The following HNRNPU variants were observed in gnomAD, a reference collection of about 807,000 sequenced individuals.
HNRNPU encodes the protein HNRNPU antisense RNA 1.
In HNRNPU, 5 loss-of-function variants were observed where a neutral mutation model predicts 94.7. The observed-to-expected ratio is 0.05, with a 90% confidence interval of 0.03 to 0.11. The LOEUF (loss-of-function observed/expected upper bound fraction) is 0.11, where lower values mean the gene tolerates loss of function less well. Among genes scored for constraint, HNRNPU ranks in the 10% least tolerant of loss-of-function variants. The pLI is 1.00. For missense variants in HNRNPU, 710 were observed against 1,049.2 expected, an observed-to-expected ratio of 0.68 and a Z score of 4.47; for synonymous variants, 434 against 381.6, an observed-to-expected ratio of 1.14 and a Z score of -1.60.
In HNRNPU at chr1:244,862,605, T is replaced by G; in HGVS notation, c.803+14A>C. On this transcript the variant is annotated intron_variant, in intron 2 of 13. Transcript: ENST00000640218. ...CGAATAAGGGATGAGTAAAACTAGG[T>G]GAGCATCCTATACCTGCTATACTTG... 6.2e-7 allele frequency: 1 copy of G among 1,605,986 alleles called. No homozygotes were observed. Among genetic ancestry groups the G allele is most frequent in the Non-Finnish European group, 8.5e-7 (1 of 1,172,544 alleles).
intron 4 of HNRNPU, 112 bp downstream of exon 4, chr1:244,860,223 C>T: frequency 1.2e-6 from 1 of 806,906 alleles, no homozygotes. Context: ...ATCGCTTGAA[C>T]CCAGGACGCG....
At chr1:244,856,420 G>A (rs750391159) in intron 10 of HNRNPU, 37 bp downstream of exon 10, 2 of 1,568,572 alleles carry the variant, frequency 1.3e-6, no homozygotes, top group South Asian at 1.2e-5. Flanking sequence ...CTTTTAAAAA[G>A]AAGATTTCAC....
chr1:244,863,691 C>G lies in HNRNPU; in HGVS notation c.617G>C (p.Gly206Ala), dbSNP rs776650301. ...CTTCTTACCTCCCGCCTGCTGCTGG[C>G]CCTGCCTCGCCCCGGGCGGCGCCAC... ...VTVAPPGARQ[G>A]QQQAGGKKKA... Residue 206 changes from glycine to alanine, a missense_variant, in exon 1 of 14, where the codon GGC (glycine) becomes GCC (alanine). Transcript: ENST00000640218. The G allele has an allele frequency of 6.4e-7, 1 of 1,564,094 alleles. No individual in the cohort carries two copies. The highest frequency in any genetic ancestry group is 1.1e-5 in the South Asian group (1 of 87,760).
chr1:244,855,386 A>G, intron 12 of HNRNPU, 38 bp downstream of exon 12: 2 of 1,588,012 alleles, frequency 1.3e-6, no homozygotes, highest in Non-Finnish European at 1.7e-6. Context: ...ACTAAGCTAC[A>G]GTTATCAATC....
intron 1 of HNRNPU, chr1:244,863,141 G>T: frequency 6.3e-6 from 1 of 159,516 alleles, no homozygotes; most frequent in Non-Finnish European, 1.3e-5. Context: ...CCCGCCGGAA[G>T]TGACGTCACG....
chr1:244,858,792 G>T lies in HNRNPU; in HGVS notation c.1167C>A (p.Cys389Ter). 1 of 1,592,446 alleles carries T rather than the reference G, an allele frequency of 6.3e-7. No individual in the cohort carries two copies. Among genetic ancestry groups the T allele is most frequent in the Non-Finnish European group, 8.6e-7 (1 of 1,161,192 alleles). The change falls in exon 6 of 14, where the codon TGC becomes TGA. Residue 389 changes from cysteine (C) to a stop codon, truncating the protein, a stop_gained. Coordinates refer to ENST00000640218, the MANE Select transcript of HNRNPU (RefSeq NM_031844.3). LOFTEE classifies it high-confidence loss of function. ...YGYSLKGIKT[C>*]NCETEDYGEK... Reference sequence around the variant, plus strand: ...CTCCATAATCTTCAGTCTCACAGTTGCATGTTTTTATTCCTTTTAGAGAAT... The same window carrying T: ...CTCCATAATCTTCAGTCTCACAGTTTCATGTTTTTATTCCTTTTAGAGAAT...
At position 244,854,163 on chromosome 1, in the gene HNRNPU, A is replaced by T. The variant is rs1261398005; in HGVS notation, c.*287T>A. 3 of 101,986 alleles carry T rather than the reference A, an allele frequency of 2.9e-5. No homozygotes were observed. The highest frequency in any genetic ancestry group is 4.1e-5 in the Non-Finnish European group (2 of 49,170). 6.3% of individuals were successfully genotyped at this position (101,986 alleles called of 1,614,324 possible). ...AGCAACATTTTACTTCTGTTGTGAT[A>T]AAAAAAAAAAAAAGTCACATTTTAC... On this transcript the variant is annotated 3_prime_UTR_variant, in exon 14 of 14. Coordinates refer to ENST00000640218, the MANE Select transcript of HNRNPU (RefSeq NM_031844.3).
intron 1 of HNRNPU, 51 bp from the exon 2 acceptor site, chr1:244,862,781 A>G (rs1391957711): frequency 7.1e-7 from 1 of 1,407,126 alleles, no homozygotes; most frequent in South Asian, 1.2e-5. Flanking sequence ...CAACAAAAAA[A>G]CGCTTTTCCG....
chr1:244,855,323 A>G, intron 12 of HNRNPU, 101 bp downstream of exon 12: 2 of 1,151,154 alleles, frequency 1.7e-6, no homozygotes, highest in Non-Finnish European at 2.5e-6. Context: ...AATGCCTATC[A>G]TGTTCCTTAC....
chr1:244,860,233 G>A (rs187161206), intron 4 of HNRNPU, 102 bp downstream of exon 4: 16 of 910,506 alleles, frequency 1.8e-5, no homozygotes, highest in African/African-American at 8.5e-5. Context: ...CCCAGGACGC[G>A]GAGGTTGCAG....
In HNRNPU at chr1:244,854,252, C is replaced by CT. The variant is rs908791097; in HGVS notation, c.*197dup. Reference sequence around the variant, plus strand: ...TTATCGTGCACAATGCTGAGGTTCTCTTACGATTCACTTTTAAACTGCAAT... The same window carrying CT: ...TTATCGTGCACAATGCTGAGGTTCTCTTTACGATTCACTTTTAAACTGCAAT... On this transcript the variant is annotated 3_prime_UTR_variant, in exon 14 of 14. Transcript: ENST00000640218. 2.3e-5 allele frequency: 13 copies of CT among 570,712 alleles called. No individual in the cohort carries two copies. In the African/African-American group the frequency reaches 2.3e-4, roughly 10 times the overall value. The allele number at this position is 570,712 out of a possible 1,614,324, so 35.4% of individuals were successfully genotyped here.
At chr1:244,855,780 T>C (rs1209405307) in intron 11 of HNRNPU, 124 bp downstream of exon 11, 1 of 1,283,386 alleles carries the variant, frequency 7.8e-7, no homozygotes, top group Non-Finnish European at 1.1e-6. Context: ...TCAAATCACA[T>C]GAATACTTTA....
rs750389142 is a variant in HNRNPU, at chr1:244,859,397, A to T, written c.1018-23T>A. ...AACCTGAAAGTCAAATCATTAAATA[A>T]TTAAAATAATACACCAAGGAGGTAA... On this transcript the variant is annotated intron_variant, in intron 4 of 13. Coordinates refer to ENST00000640218, the MANE Select transcript of HNRNPU (RefSeq NM_031844.3). 4.4e-6 allele frequency: 5 copies of T among 1,139,860 alleles called. No individual in the cohort carries two copies. In the South Asian group the frequency reaches 6.2e-5, roughly 14 times the overall value. The allele number at this position is 1,139,860 out of a possible 1,614,324, so 70.6% of individuals were successfully genotyped here. A position where few individuals can be genotyped will look rare whatever the true frequency, so the allele number is the denominator to read the frequency against.
chr1:244,853,491 A>G lies in HNRNPU; in HGVS notation c.*959T>C, dbSNP rs1309844593. ...AGCAGGCTAAGGAGATACCCATTCA[A>G]GAACTGACATGATTAAAAATTAAGA... On this transcript the variant is annotated 3_prime_UTR_variant, in exon 14 of 14. Transcript: ENST00000640218. 1 of 152,618 alleles carries G rather than the reference A, an allele frequency of 6.6e-6. No individual in the cohort carries two copies. The highest frequency in any genetic ancestry group is 1.5e-5 in the Non-Finnish European group (1 of 68,010). The allele number at this position is 152,618 out of a possible 1,614,324, so 9.5% of individuals were successfully genotyped here.
rs771909772 is a variant in HNRNPU, at chr1:244,858,084, G to A, written c.1421C>T (p.Thr474Ile). The change falls in exon 7 of 14, where the codon ACT becomes ATT. Residue 474 changes from threonine to isoleucine, a missense_variant. By Grantham distance (89) the Thr-to-Ile change is moderately conservative. Around this residue, in one of 8 missense-constraint regions of HNRNPU, gnomAD observed 150 missense variants for 187.9 expected, o/e 0.80. Transcript: ENST00000640218. The part of the protein sequence containing the change: ...KPYFPIPEEY[T>I]FIQNVPLEDR... Reference sequence around the variant, plus strand: ...CTCTAAGGGGACGTTCTGGATGAAAGTATACTCTTCAGGTATTGGAAAATA... The same window carrying A: ...CTCTAAGGGGACGTTCTGGATGAAAATATACTCTTCAGGTATTGGAAAATA... The A allele has an allele frequency of 5.6e-6, 9 of 1,613,908 alleles. No homozygotes were observed. The highest frequency in any genetic ancestry group is 5.5e-5 in the South Asian group (5 of 91,060).
chr1:244,854,201 G>T lies in HNRNPU; in HGVS notation c.*249C>A. On this transcript the variant is annotated 3_prime_UTR_variant, in exon 14 of 14. Coordinates refer to ENST00000640218, the MANE Select transcript of HNRNPU (RefSeq NM_031844.3). Reference sequence around the variant, plus strand: ...AGTCACATTTTACAGATAAAATGTAGAACCCTGAAATACTGACACATTCTC... The same window carrying T: ...AGTCACATTTTACAGATAAAATGTATAACCCTGAAATACTGACACATTCTC... The T allele has an allele frequency of 1.1e-5, 4 of 360,406 alleles. No individual in the cohort carries two copies. Among genetic ancestry groups the T allele is most frequent in the Non-Finnish European group, 2.0e-5 (4 of 200,338 alleles). The allele number at this position is 360,406 out of a possible 1,614,324, so 22.3% of individuals were successfully genotyped here. A position where few individuals can be genotyped will look rare whatever the true frequency, so the allele number is the denominator to read the frequency against.
chr1:244,859,091 T>TA (rs1680757171), intron 5 of HNRNPU, 184 bp downstream of exon 5: 1 of 579,540 alleles, frequency 1.7e-6, no homozygotes, highest in Non-Finnish European at 3.0e-6. Flanking sequence ...GTCATAAACT[T>TA]CTAATAAAGG....
chr1:244,862,428 A>C (rs2102989348), intron 3 of HNRNPU, 33 bp downstream of exon 3: 1 of 1,303,834 alleles, frequency 7.7e-7, no homozygotes, highest in Non-Finnish European at 1.1e-6. Context: ...CCATCACCGC[A>C]TTTCATAATT....
chr1:244,863,472 G>C, intron 1 of HNRNPU, 145 bp downstream of exon 1: 1 of 1,062,418 alleles, frequency 9.4e-7, no homozygotes, highest in Non-Finnish European at 1.2e-6. Context: ...GCTAATCTGG[G>C]ATTCCCCGCG....
Sources: gnomAD v4.1 joint callset for allele counts on GRCh38, gnomAD v4.1.1 for gene constraint, gnomAD v4.1.1 regional missense constraint, MANE v1.5 for transcripts, NCBI Gene and HGNC (gene_info 2026-07-23, HGNC 2026-07-21) for gene names.